The following IMMP1L variants were observed in gnomAD, a reference collection of about 807,000 sequenced individuals.
IMMP1L encodes the protein inner mitochondrial membrane peptidase subunit 1.
Under a neutral mutation model 21.8 loss-of-function variants are expected in IMMP1L, and 24 were observed. That is an observed-to-expected ratio of 1.10 (90% confidence interval 0.80 to 1.55). IMMP1L has a LOEUF of 1.55. Ranked by LOEUF, IMMP1L falls within the 40% of genes most tolerant of loss-of-function variation. The pLI is 0.00. For synonymous variants in IMMP1L, 46 were observed against 62.8 expected, an observed-to-expected ratio of 0.73 and a Z score of 1.26; for missense variants, 195 against 200.7, an observed-to-expected ratio of 0.97 and a Z score of 0.17.
intron 1 of IMMP1L, among the ~76,000 whole-genome samples, chr11:31,473,315 C>G (rs1159856945): frequency 1.3e-5 from 2 of 152,162 alleles, no homozygotes; most frequent in Non-Finnish European, 2.9e-5. Flanking sequence ...TCCCAAAGTG[C>G]TGGGATTACA....
At chr11:31,502,271 T>C (rs1469942902) in intron 1 of IMMP1L, among the ~76,000 whole-genome samples, 1 of 152,206 alleles carries the variant, frequency 6.6e-6, no homozygotes, top group Non-Finnish European at 1.5e-5. Flanking sequence ...AATAATTATA[T>C]AGAACAAGAG....
intron 4 of IMMP1L, among the ~76,000 whole-genome samples, chr11:31,438,395 T>A (rs1158314344): frequency 6.6e-6 from 1 of 152,190 alleles, no homozygotes; most frequent in East Asian, 1.9e-4. Context: ...ATCTTCTTAT[T>A]CATTGTACCA....
At chr11:31,438,863 A>G (rs901614641) in intron 4 of IMMP1L, among the ~76,000 whole-genome samples, 6 of 152,198 alleles carry the variant, frequency 3.9e-5, no homozygotes, top group African/African-American at 1.4e-4. Context: ...AGGTATAACT[A>G]TCTTCACATA....
chr11:31,499,812 C>G (rs555868727), intron 1 of IMMP1L, among the ~76,000 whole-genome samples: 60 of 152,068 alleles, frequency 3.9e-4, no homozygotes, highest in African/African-American at 1.4e-3. Context: ...ACCATCTGGT[C>G]CCAGAAAATG....
At chr11:31,463,104 A>T in intron 2 of IMMP1L, 68 bp downstream of exon 2, 1 of 1,293,490 alleles carries the variant, frequency 7.7e-7, no homozygotes, top group Non-Finnish European at 1.1e-6. Context: ...AAAAGGAAAA[A>T]CACACTTTCC....
rs542619704 is a variant in IMMP1L at position 31,432,413 on chromosome 11, A to T, written c.*87T>A. 1.2e-6 allele frequency: 1 copy of T among 857,102 alleles called. No homozygotes were observed. The highest frequency in any genetic ancestry group is 2.5e-5 in the East Asian group (1 of 40,296). The allele number at this position is 857,102 out of a possible 1,614,324, so 53.1% of individuals were successfully genotyped here. Reference sequence around the variant, plus strand: ...AAACAACTAAAACTGAATAGCAAATAGTTTATTGGTAAGTACACGGTTTCA... The same window carrying T: ...AAACAACTAAAACTGAATAGCAAATTGTTTATTGGTAAGTACACGGTTTCA... On this transcript the variant is annotated 3_prime_UTR_variant, in exon 6 of 6. Coordinates refer to ENST00000532287, the MANE Select transcript of IMMP1L (RefSeq NM_001304274.2).
intron 1 of IMMP1L, among the ~76,000 whole-genome samples, chr11:31,502,771 A>G (rs578121290): frequency 6.6e-6 from 1 of 152,334 alleles, no homozygotes; most frequent in Admixed American, 6.5e-5. Context: ...CTACATGCAA[A>G]TATGGAGAAA....
intron 1 of IMMP1L, among the ~76,000 whole-genome samples, chr11:31,470,623 G>A (rs969158922): frequency 1.3e-5 from 2 of 152,058 alleles, no homozygotes; most frequent in Non-Finnish European, 2.9e-5. Flanking sequence ...TCCACTACTG[G>A]GTGTATATCC....
At chr11:31,484,144 G>A (rs1565001690) in intron 1 of IMMP1L, among the ~76,000 whole-genome samples, 1 of 151,732 alleles carries the variant, frequency 6.6e-6, no homozygotes, top group Non-Finnish European at 1.5e-5. Context: ...ACTCTCATTT[G>A]ATTTACAAAT....
At chr11:31,451,727 A>G (rs994248552) in intron 4 of IMMP1L, among the ~76,000 whole-genome samples, 33 of 152,190 alleles carry the variant, frequency 2.2e-4, no homozygotes, top group Non-Finnish European at 7.4e-5. Context: ...TACTTGATAT[A>G]AATTTGAGAG....
At chr11:31,453,254 C>A (rs942132499) in intron 4 of IMMP1L, among the ~76,000 whole-genome samples, 5 of 152,170 alleles carry the variant, frequency 3.3e-5, no homozygotes, top group Non-Finnish European at 7.4e-5. Flanking sequence ...TTCTTTTCTG[C>A]CAACCTACAA....
At chr11:31,485,052 A>T (rs1373059248) in intron 1 of IMMP1L, among the ~76,000 whole-genome samples, 1 of 151,910 alleles carries the variant, frequency 6.6e-6, no homozygotes, top group African/African-American at 2.4e-5. Flanking sequence ...CCAGTTTTTT[A>T]AAAAATTCAC....
At chr11:31,491,555 G>A (rs747335442) in intron 1 of IMMP1L, among the ~76,000 whole-genome samples, 3 of 152,204 alleles carry the variant, frequency 2.0e-5, no homozygotes, top group Admixed American at 6.5e-5. Flanking sequence ...TGTTAAAGGC[G>A]TAGACTGTTT....
chr11:31,495,414 C>A (rs1955399170), intron 1 of IMMP1L, among the ~76,000 whole-genome samples: 2 of 152,120 alleles, frequency 1.3e-5, no homozygotes, highest in South Asian at 4.2e-4. Flanking sequence ...TCCCTCAGTA[C>A]CAATTTACTG....
At chr11:31,439,070 C>T (rs746296087) in intron 4 of IMMP1L, among the ~76,000 whole-genome samples, 43 of 152,050 alleles carry the variant, frequency 2.8e-4, no homozygotes, top group Non-Finnish European at 2.9e-4. Flanking sequence ...TATATTTTTT[C>T]TCTGGTTAAG....
chr11:31,498,783 T>C (rs1470687427), intron 1 of IMMP1L, among the ~76,000 whole-genome samples: 3 of 152,234 alleles, frequency 2.0e-5, no homozygotes, highest in Non-Finnish European at 4.4e-5. Flanking sequence ...TTATCCTTTA[T>C]GTGACTCCAT....
intron 1 of IMMP1L, among the ~76,000 whole-genome samples, chr11:31,466,611 A>C (rs1591989344): frequency 6.6e-6 from 1 of 152,148 alleles, no homozygotes; most frequent in Non-Finnish European, 1.5e-5. Context: ...TCAAGGCAAC[A>C]TGAATGACCC....
At chr11:31,486,465 C>G (rs906410872) in intron 1 of IMMP1L, among the ~76,000 whole-genome samples, 8 of 151,884 alleles carry the variant, frequency 5.3e-5, no homozygotes, top group African/African-American at 1.9e-4. Context: ...TTTATATGTA[C>G]TCTATATTTA....
At chr11:31,462,051 A>T (rs1954158735) in intron 2 of IMMP1L, among the ~76,000 whole-genome samples, 1 of 152,190 alleles carries the variant, frequency 6.6e-6, no homozygotes, top group African/African-American at 2.4e-5. Context: ...ACAGTTGCTC[A>T]TACCTATAAT....
Sources: gnomAD v4.1 joint callset for allele counts (sites outside exome capture counted in the v4.1 genomes callset) on GRCh38, gnomAD v4.1.1 for gene constraint, MANE v1.5 for transcripts, NCBI Gene and HGNC (gene_info 2026-07-23, HGNC 2026-07-21) for gene names.